STIM2: variants seen among roughly 807,000 people sequenced by gnomAD.
The protein encoded by STIM2 is stromal interaction molecule 2.
Under a neutral mutation model 85.8 loss-of-function variants are expected in STIM2, and 31 were observed. That is an observed-to-expected ratio of 0.36 (90% CI 0.27 to 0.49). The LOEUF (loss-of-function observed/expected upper bound fraction) is 0.49. STIM2 is among the 20% of genes least tolerant of loss of function. The pLI is 0.98. For synonymous variants in STIM2, 356 were observed against 331.1 expected (o/e 1.08, Z -0.82); for missense variants, 841 against 927.6 (o/e 0.91, Z 1.21).
chr4:26,934,604 A>G (rs1201040890), intron 2 of STIM2, among the ~76,000 whole-genome samples: 1 of 152,220 alleles, frequency 6.6e-6, no homozygotes, highest in Non-Finnish European at 1.5e-5. Context: ...TGATACCTGT[A>G]AGAAGTGGTA....
chr4:27,020,566 A>T (rs1176862171), intron 11 of STIM2, among the ~76,000 whole-genome samples: 4 of 152,238 alleles, frequency 2.6e-5, no homozygotes, highest in Non-Finnish European at 5.9e-5. Context: ...AGTAAAGACG[A>T]TCTTCATAGA....
chr4:27,020,047 A>G (rs114217964), intron 11 of STIM2, among the ~76,000 whole-genome samples: 1,960 of 152,352 alleles, frequency 0.013, 14 homozygotes, highest in Non-Finnish European at 0.02. Flanking sequence ...AGGAAAATTG[A>G]GACCTCAAGA....
At chr4:26,973,778 A>C (rs1439475464) in intron 3 of STIM2, among the ~76,000 whole-genome samples, 3 of 152,152 alleles carry the variant, frequency 2.0e-5, no homozygotes, top group Admixed American at 6.5e-5. Context: ...GCTGAGTTCA[A>C]GTCCTGGATA....
intron 1 of STIM2, among the ~76,000 whole-genome samples, chr4:26,892,247 G>A (rs941601041): frequency 2.0e-5 from 3 of 152,182 alleles, no homozygotes; most frequent in East Asian, 1.9e-4. Context: ...CAAAGACTGC[G>A]TGGCTTAAAC....
chr4:26,866,177 C>G (rs1195412290), intron 1 of STIM2, among the ~76,000 whole-genome samples: 1 of 152,194 alleles, frequency 6.6e-6, no homozygotes, highest in African/African-American at 2.4e-5. Flanking sequence ...CTTACCCCTC[C>G]TCTTACCTCC....
intron 1 of STIM2, among the ~76,000 whole-genome samples, chr4:26,902,960 T>G (rs984796686): frequency 3.9e-5 from 6 of 152,178 alleles, no homozygotes; most frequent in African/African-American, 1.4e-4. Flanking sequence ...CTACCTAGAT[T>G]TGTCTTTCTC....
At chr4:26,970,209 ATATATATATATATG>A (rs1219532427) in intron 3 of STIM2, among the ~76,000 whole-genome samples, 33 of 10,052 alleles carry the variant, frequency 3.3e-3, no homozygotes, top group African/African-American at 7.5e-3. Flanking sequence ...GTATATATAT[ATATATATATATATG>A]TATATATATA....
rs142204994 is a variant in STIM2 at position 26,916,763 on chromosome 4, C to G, written c.152-2741C>G. ...ATGTTTTTTTTTTTATGTCACTGAA[C>G]GTATGATGCTGCTTCTAGGCATGCT... is the stretch of plus-strand genomic sequence containing the variant. On this transcript the variant is annotated intron_variant, in intron 1 of 11. Transcript: ENST00000467087. Among the ~76,000 whole-genome samples the G allele has an allele frequency of 3.0e-3, 448 of 151,752 alleles. 1 individual carries two copies. Among genetic ancestry groups the G allele is most frequent in the African/African-American group, 0.01 (430 of 41,358 alleles).
intron 3 of STIM2, among the ~76,000 whole-genome samples, chr4:26,974,691 T>G (rs949040979): frequency 3.9e-5 from 6 of 152,196 alleles, no homozygotes; most frequent in Non-Finnish European, 7.3e-5. Context: ...ATTTCAACCT[T>G]GGTGAATCTG....
intron 1 of STIM2, among the ~76,000 whole-genome samples, chr4:26,913,696 A>G (rs1383295486): frequency 2.0e-5 from 3 of 152,224 alleles, no homozygotes; most frequent in Non-Finnish European, 4.4e-5. Context: ...ACATTTTGGA[A>G]ATCCAATTAG....
At chr4:26,922,641 G>A (rs1724847350) in intron 2 of STIM2, among the ~76,000 whole-genome samples, 1 of 152,158 alleles carries the variant, frequency 6.6e-6, no homozygotes, top group South Asian at 2.1e-4. Flanking sequence ...CAGCCTGGAA[G>A]CTCTTTGAAT....
intron 2 of STIM2, among the ~76,000 whole-genome samples, chr4:26,938,253 G>A (rs966785018): frequency 1.3e-5 from 2 of 151,352 alleles, no homozygotes. Context: ...TTGTGTATAT[G>A]TAAGGTATAT....
At chr4:27,021,808 A>G (rs566454648) in intron 11 of STIM2, among the ~76,000 whole-genome samples, 23 of 152,206 alleles carry the variant, frequency 1.5e-4, no homozygotes, top group African/African-American at 5.5e-4. Context: ...TGGATTTGAG[A>G]GAGATTTGAA....
At chr4:26,869,396 A>G (rs1722526853) in intron 1 of STIM2, among the ~76,000 whole-genome samples, 1 of 152,140 alleles carries the variant, frequency 6.6e-6, no homozygotes, top group Non-Finnish European at 1.5e-5. Flanking sequence ...TTAAAGTGAG[A>G]AAGCCAGTCG....
intron 1 of STIM2, among the ~76,000 whole-genome samples, chr4:26,906,496 A>G (rs1465659774): frequency 2.0e-5 from 3 of 149,782 alleles, no homozygotes. Flanking sequence ...AGGTGATATA[A>G]TGATTGGACT....
At position 26,875,289 on chromosome 4, in the gene STIM2, C is replaced by T. The variant is rs116539009; in HGVS notation, c.151+13920C>T. ...TGTTCAAAAATCTTATAGAAATATG[C>T]ACATATGCCGGTCCTCTGAATGTAA... On this transcript the variant is annotated intron_variant, in intron 1 of 11. Transcript: ENST00000467087. 3.6e-3 allele frequency among the ~76,000 whole-genome samples: 552 copies of T among 152,186 alleles called. 2 individuals are homozygous for T. The highest frequency in any genetic ancestry group is 5.4e-3 in the Non-Finnish European group (364 of 67,998).
rs771196459 is a variant in STIM2 at position 27,024,638 on chromosome 4, C to T, written c.*1642C>T. ...ATTTATATTGGCTGATATTTATATACTTAATAGATTGAGTTCTGTAAGGGC... is the reference window on the plus strand; with the variant it reads ...ATTTATATTGGCTGATATTTATATATTTAATAGATTGAGTTCTGTAAGGGC... On this transcript the variant is annotated 3_prime_UTR_variant, in exon 12 of 12. Coordinates refer to ENST00000467087, the MANE Select transcript of STIM2 (RefSeq NM_020860.4). The T allele has an allele frequency of 6.6e-6, 1 of 152,056 alleles. No homozygotes were observed. Among genetic ancestry groups the T allele is most frequent in the Non-Finnish European group, 1.5e-5 (1 of 68,018 alleles). The allele number at this position is 152,056 out of a possible 1,614,324, so 9.4% of individuals were successfully genotyped here. A position where few individuals can be genotyped will look rare whatever the true frequency, so the allele number is the denominator to read the frequency against.
intron 11 of STIM2, chr4:27,021,552 C>A (rs1263530180): frequency 2.2e-6 from 1 of 456,540 alleles, no homozygotes; most frequent in African/African-American, 2.0e-5. Flanking sequence ...CGGCCTGGTA[C>A]GCTTTGACAA....
At chr4:26,932,606 C>T (rs1312764755) in intron 2 of STIM2, among the ~76,000 whole-genome samples, 1 of 152,026 alleles carries the variant, frequency 6.6e-6, no homozygotes, top group African/African-American at 2.4e-5. Context: ...CTAAATAGTA[C>T]TTAATAAGCA....
Sources: gnomAD v4.1 joint callset for allele counts (sites outside exome capture counted in the v4.1 genomes callset) on GRCh38, gnomAD v4.1.1 for gene constraint, MANE v1.5 for transcripts, NCBI Gene and HGNC (gene_info 2026-07-23, HGNC 2026-07-21) for gene names.